Variants in ATM observed in about 807,000 individuals in gnomAD.
ATM encodes the protein ATM serine/threonine kinase.
ATM carries 308 observed loss-of-function variants against 387.0 expected under a neutral mutation model. That is an observed-to-expected ratio of 0.80 (90% CI 0.73 to 0.87). The LOEUF (loss-of-function observed/expected upper bound fraction) is 0.87, where lower values mean the gene tolerates loss of function less well. Ranked by LOEUF, ATM falls within the 40% of genes least tolerant of loss-of-function variation. The pLI is 0.00. For missense variants in ATM, 3,312 were observed against 3,560.9 expected (o/e 0.93, Z 1.78); for synonymous variants, 1,156 against 1,187.3 (o/e 0.97, Z 0.54).
At chr11:108,226,408 A>G (rs897467678) in intron 1 of ATM, 1 of 152,224 alleles carries the variant, frequency 6.6e-6, no homozygotes, top group Non-Finnish European at 1.5e-5. Context: ...GAGTTTGATT[A>G]TATCAGAAGC....
intron 11 of ATM, 51 bp downstream of exon 11, chr11:108,252,082 GCTCT>G (rs1565386490): frequency 1.3e-6 from 2 of 1,523,036 alleles, no homozygotes; most frequent in Admixed American, 1.7e-5. Flanking sequence ...GTTTTATCAG[GCTCT>G]CTCCACTTAT....
At position 108,317,056 on chromosome 11, in the gene ATM, C is replaced by T. The variant is rs563182928; in HGVS notation, c.6199-317C>T. On this transcript the variant is annotated intron_variant, in intron 42 of 62. Transcript: ENST00000675843. ...TCAAGGGCACCTCTCGCTTCAGCCACCCAAGTAGCTGGGGCTACAGGTACA... is the reference window on the plus strand; with the variant it reads ...TCAAGGGCACCTCTCGCTTCAGCCATCCAAGTAGCTGGGGCTACAGGTACA... Among the ~76,000 whole-genome samples, 35 of 151,796 alleles carry T rather than the reference C, an allele frequency of 2.3e-4. No individual in the cohort carries two copies. The South Asian group carries it at 5.8e-3, about 25-fold the overall frequency.
chr11:108,328,151 C>T (rs1350939913), intron 48 of ATM, among the ~76,000 whole-genome samples: 22 of 152,218 alleles, frequency 1.4e-4, no homozygotes, highest in Non-Finnish European at 5.9e-5. Flanking sequence ...TTTGACTTTC[C>T]TGTTTCTCCC....
At position 108,258,986 on chromosome 11, in the gene ATM, A is replaced by C. The variant is rs587781583; in HGVS notation, c.2377A>C (p.Lys793Gln). 2 of 1,612,044 alleles carry C rather than the reference A, an allele frequency of 1.2e-6. No individual in the cohort carries two copies. The highest frequency in any genetic ancestry group is 1.7e-6 in the Non-Finnish European group (2 of 1,178,286). ...GGTTCTTTGTTTGTCTTAATTGCAG[A>C]AGAGTCCAAATAAGATTGCATCTGG... is the stretch of plus-strand genomic sequence containing the variant. Reference protein sequence around the residue: ...CTRCLSNCTKKSPNKIASGFF... With the variant: ...CTRCLSNCTKQSPNKIASGFF... The change falls in exon 16 of 63, where the codon AAG becomes CAG. Residue 793 changes from lysine (K) to glutamine (Q), a missense_variant and splice_region_variant. Coordinates refer to ENST00000675843, the MANE Select transcript of ATM (RefSeq NM_000051.4).
At chr11:108,271,753 A>G (rs1170131709) in intron 20 of ATM, among the ~76,000 whole-genome samples, 2 of 152,236 alleles carry the variant, frequency 1.3e-5, no homozygotes, top group Non-Finnish European at 2.9e-5. Flanking sequence ...TATTTTATGC[A>G]TATTGTCACA....
chr11:108,357,152 G>A (rs1179792668), intron 61 of ATM, among the ~76,000 whole-genome samples: 1 of 152,236 alleles, frequency 6.6e-6, no homozygotes, highest in Non-Finnish European at 1.5e-5. Flanking sequence ...GGGTCAGGGA[G>A]TTCCCTTTCC....
At chr11:108,285,493 T>C (rs1220468616) in intron 26 of ATM, among the ~76,000 whole-genome samples, 4 of 152,196 alleles carry the variant, frequency 2.6e-5, no homozygotes, top group African/African-American at 9.6e-5. Context: ...TACATACAAA[T>C]TTTTTAAGAT....
intron 24 of ATM, among the ~76,000 whole-genome samples, chr11:108,282,254 A>T (rs2082272496): frequency 6.6e-6 from 1 of 151,842 alleles, no homozygotes; most frequent in African/African-American, 2.4e-5. Flanking sequence ...CAGCCTCCCG[A>T]GTAGCTGGGA....
At chr11:108,316,335 A>G (rs1565500487) in intron 42 of ATM, among the ~76,000 whole-genome samples, 1 of 152,214 alleles carries the variant, frequency 6.6e-6, no homozygotes, top group Admixed American at 6.5e-5. Context: ...CAGACAGGTC[A>G]TTGACCTAAA....
chr11:108,230,481 C>G (rs369479983), intron 4 of ATM: 5 of 152,070 alleles, frequency 3.3e-5, no homozygotes, highest in African/African-American at 1.2e-4. Flanking sequence ...ATCAAAAACT[C>G]CTATTTATGT....
chr11:108,317,288 A>G (rs1014772123), intron 42 of ATM, 85 bp from the exon 43 acceptor site: 20 of 1,413,982 alleles, frequency 1.4e-5, no homozygotes, highest in Non-Finnish European at 1.9e-5. Flanking sequence ...TGTCTAAGTT[A>G]ATTTGTATCT....
At position 108,229,280 on chromosome 11, in the gene ATM, A is replaced by G. The variant is rs1226812648; in HGVS notation, c.288A>G (p.Glu96=). Reference sequence around the variant, plus strand: ...CCTCCAGGCAGAAAAAGATGCAGGAAATCAGTAGTTTGGTCAAATACTTCA... The same window carrying G: ...CCTCCAGGCAGAAAAAGATGCAGGAGATCAGTAGTTTGGTCAAATACTTCA... The part of the protein sequence containing the change: ...TQASRQKKMQ[E]ISSLVKYFIK... The change falls in exon 4 of 63, where the codon GAA becomes GAG. Residue 96 remains glutamate, a synonymous_variant. Coordinates refer to ENST00000675843, the MANE Select transcript of ATM (RefSeq NM_000051.4). 1 of 1,613,860 alleles carries G rather than the reference A, an allele frequency of 6.2e-7. No individual in the cohort carries two copies. The highest frequency in any genetic ancestry group is 1.7e-5 in the Admixed American group (1 of 60,004).
intron 39 of ATM, among the ~76,000 whole-genome samples, chr11:108,311,571 A>C (rs753174330): frequency 2.0e-4 from 30 of 152,224 alleles, no homozygotes; most frequent in Middle Eastern, 3.4e-3. Context: ...AGTGGCCTGC[A>C]CATGTAGTCC....
intron 33 of ATM, among the ~76,000 whole-genome samples, chr11:108,298,764 C>G (rs1330436484): frequency 6.6e-6 from 1 of 152,136 alleles, no homozygotes. Context: ...TATTTACAGA[C>G]GACATGATCT....
intron 34 of ATM, among the ~76,000 whole-genome samples, chr11:108,300,618 C>T (rs2083378751): frequency 6.6e-6 from 1 of 152,130 alleles, no homozygotes; most frequent in African/African-American, 2.4e-5. Context: ...TAATGTCTAA[C>T]TGCCATGTTT....
At chr11:108,249,414 A>G (rs183470936) in intron 9 of ATM, among the ~76,000 whole-genome samples, 3 of 152,354 alleles carry the variant, frequency 2.0e-5, no homozygotes, top group Non-Finnish European at 4.4e-5. Context: ...GTACGCTTCA[A>G]CAATAGATTT....
intron 1 of ATM, chr11:108,224,729 T>C (rs1337616995): frequency 6.6e-6 from 1 of 152,222 alleles, no homozygotes; most frequent in African/African-American, 2.4e-5. Context: ...TGACAGTTTA[T>C]CTAAAATGAT....
At chr11:108,299,165 G>A (rs1195145257) in intron 33 of ATM, among the ~76,000 whole-genome samples, 3 of 152,214 alleles carry the variant, frequency 2.0e-5, no homozygotes, top group Admixed American at 1.3e-4. Context: ...TGCTGAAAAT[G>A]TCCTGTCTTC....
chr11:108,275,764 A>G (rs2081910563), intron 22 of ATM, among the ~76,000 whole-genome samples: 1 of 152,174 alleles, frequency 6.6e-6, no homozygotes, highest in Non-Finnish European at 1.5e-5. Context: ...CTTTGTGGGT[A>G]ACCCGACCTT....
Sources: allele counts gnomAD v4.1 joint callset (sites outside exome capture counted in the v4.1 genomes callset), GRCh38; gene constraint gnomAD v4.1.1; transcripts MANE v1.5; gene names NCBI Gene and HGNC (gene_info 2026-07-23, HGNC 2026-07-21).